Variants in SRGAP1 observed in about 807,000 individuals in gnomAD.
SRGAP1 encodes SLIT-ROBO Rho GTPase activating protein 1.
Under a neutral mutation model 121.9 loss-of-function variants are expected in SRGAP1, and 43 were observed. The observed-to-expected ratio is 0.35, with a 90% CI of 0.28 to 0.46. The LOEUF (loss-of-function observed/expected upper bound fraction) is 0.46, where lower values mean the gene tolerates loss of function less well. Ranked by LOEUF, SRGAP1 falls within the 20% of genes least tolerant of loss-of-function variation. The pLI is 1.00. For synonymous variants in SRGAP1, 447 were observed against 485.4 expected (o/e 0.92, Z 1.04); for missense variants, 1,102 against 1,350.9 (o/e 0.82, Z 2.89).
chr12:64,003,743 C>T (rs751331832), intron 3 of SRGAP1, among the ~76,000 whole-genome samples: 25 of 151,840 alleles, frequency 1.6e-4, no homozygotes, highest in Non-Finnish European at 2.9e-4. Context: ...CATCAGAGGT[C>T]CTGAAGGAGA....
intron 4 of SRGAP1, among the ~76,000 whole-genome samples, chr12:64,028,431 G>A (rs1173905696): frequency 6.6e-6 from 1 of 152,240 alleles, no homozygotes; most frequent in African/African-American, 2.4e-5. Flanking sequence ...GGCCTCTCAG[G>A]TGTGTGAGAA....
chr12:63,897,330 C>T (rs1454343134), intron 1 of SRGAP1, among the ~76,000 whole-genome samples: 1 of 152,176 alleles, frequency 6.6e-6, no homozygotes, highest in African/African-American at 2.4e-5. Flanking sequence ...AGAATATGTG[C>T]AGCCAAATTT....
At chr12:64,037,507 A>T (rs7963940) in intron 4 of SRGAP1, among the ~76,000 whole-genome samples, 85,455 of 152,132 alleles carry the variant, frequency 0.56, 24,560 homozygotes, top group South Asian at 0.67. Context: ...AACACTGTGG[A>T]TTCACCAACA....
rs1334726483 is a variant in SRGAP1, at chr12:64,145,700, G to C, written c.*3028G>C. On this transcript the variant is annotated 3_prime_UTR_variant, in exon 22 of 22. Coordinates refer to ENST00000355086, the MANE Select transcript of SRGAP1 (RefSeq NM_020762.4). The stretch of plus-strand genomic sequence containing the variant: ...AGGTGGCCACTTCACAAAGAATCCA[G>C]AATCATGCTCAGTAAAGCTCATTAA... The C allele has an allele frequency of 6.6e-6, 1 of 152,072 alleles. No homozygotes were observed. The highest frequency in any genetic ancestry group is 1.5e-5 in the Non-Finnish European group (1 of 68,058). The allele number at this position is 152,072 out of a possible 1,614,324, so 9.4% of individuals were successfully genotyped here.
At chr12:64,021,422 A>C (rs934536667) in intron 4 of SRGAP1, among the ~76,000 whole-genome samples, 2 of 152,216 alleles carry the variant, frequency 1.3e-5, no homozygotes, top group African/African-American at 4.8e-5. Context: ...TATTGTGCTA[A>C]GCATATTATT....
In SRGAP1 at chr12:63,886,930, A is replaced by G. The variant is rs538837737; in HGVS notation, c.67+42047A>G. ...GCTCTGTCTCCCAGGCTAGAGTGCA[A>G]TGGCGTGATCTTGGCTCACTGCAAC... is the stretch of plus-strand genomic sequence containing the variant. On this transcript the variant is annotated intron_variant, in intron 1 of 21. Transcript: ENST00000355086. 2.0e-5 allele frequency among the ~76,000 whole-genome samples: 3 copies of G among 152,066 alleles called. No individual in the cohort carries two copies. The East Asian group carries it at 5.8e-4, about 30-fold the overall frequency.
chr12:63,871,085 G>A (rs1051154862), intron 1 of SRGAP1, among the ~76,000 whole-genome samples: 1 of 152,110 alleles, frequency 6.6e-6, no homozygotes, highest in Non-Finnish European at 1.5e-5. Context: ...GATGCTGTAG[G>A]TCAAGGACCA....
Position 64,151,288 on chromosome 12 carries a change from C to T in SRGAP1, c.*8616C>T, listed in dbSNP as rs1260847453. On this transcript the variant is annotated 3_prime_UTR_variant, in exon 22 of 22. Transcript: ENST00000355086. ...TTGTATATACATTGGGTTTTTCTCC[C>T]TTATAGCAATTCACACTAGGAGTCT... 2.0e-5 allele frequency: 3 copies of T among 151,980 alleles called. No homozygotes were observed. The highest frequency in any genetic ancestry group is 2.9e-5 in the Non-Finnish European group (2 of 67,992). The allele number at this position is 151,980 out of a possible 1,614,324, so 9.4% of individuals were successfully genotyped here. A position where few individuals can be genotyped will look rare whatever the true frequency, so the allele number is the denominator to read the frequency against.
rs137898224 is a variant in SRGAP1, at chr12:63,968,666, C to T, written c.68-15281C>T. On this transcript the variant is annotated intron_variant, in intron 1 of 21. Transcript: ENST00000355086. ...CAACCCTGTCAGGACTGCTGAACAA[C>T]GTGAAGTGTTTCATTGGATTTGGGC... 5.4e-3 allele frequency among the ~76,000 whole-genome samples: 818 copies of T among 152,304 alleles called. 6 individuals carry two copies. The highest frequency in any genetic ancestry group is 0.018 in the African/African-American group (739 of 41,562).
At chr12:63,924,070 G>T (rs1348462746) in intron 1 of SRGAP1, among the ~76,000 whole-genome samples, 2 of 152,194 alleles carry the variant, frequency 1.3e-5, no homozygotes, top group African/African-American at 4.8e-5. Context: ...GAACCTGGGA[G>T]GTGGAGGTTG....
At chr12:64,005,173 C>G (rs968499835) in intron 3 of SRGAP1, among the ~76,000 whole-genome samples, 5 of 151,966 alleles carry the variant, frequency 3.3e-5, no homozygotes, top group African/African-American at 1.2e-4. Context: ...CTCCTAGAAG[C>G]CTATAAAAAA....
chr12:64,115,381 C>T (rs2036501238), intron 17 of SRGAP1, among the ~76,000 whole-genome samples: 1 of 152,076 alleles, frequency 6.6e-6, no homozygotes, highest in South Asian at 2.1e-4. Flanking sequence ...ATGGAGGTGC[C>T]AGGATTCCAT....
In SRGAP1 at chr12:63,926,766, T is replaced by A. The variant is rs187901586; in HGVS notation, c.68-57181T>A. Among the ~76,000 whole-genome samples, 20 of 152,308 alleles carry A rather than the reference T, an allele frequency of 1.3e-4. No homozygotes were observed. The East Asian group carries it at 2.9e-3, about 22-fold the overall frequency. On this transcript the variant is annotated intron_variant, in intron 1 of 21. Transcript: ENST00000355086. ...TTATTATTGACTATAGCCACCCTGA[T>A]GTACAGTAGGTCTCAAAACCTATTC...
intron 1 of SRGAP1, among the ~76,000 whole-genome samples, chr12:63,957,515 C>T (rs1013181811): frequency 6.6e-6 from 1 of 152,202 alleles, no homozygotes; most frequent in Non-Finnish European, 1.5e-5. Flanking sequence ...CTGGCCATGC[C>T]TCTGTTGACC....
At chr12:64,053,006 A>G (rs2035266764) in intron 6 of SRGAP1, among the ~76,000 whole-genome samples, 1 of 152,128 alleles carries the variant, frequency 6.6e-6, no homozygotes, top group Admixed American at 6.6e-5. Context: ...TTATCAGTTT[A>G]TTTCATAGGT....
chr12:63,861,774 T>C (rs995811301), intron 1 of SRGAP1, among the ~76,000 whole-genome samples: 2 of 151,886 alleles, frequency 1.3e-5, no homozygotes, highest in African/African-American at 2.4e-5. Context: ...ATTGCTTGAG[T>C]CCAGGAATTT....
intron 21 of SRGAP1, among the ~76,000 whole-genome samples, chr12:64,133,315 A>G (rs113667675): frequency 0.032 from 4,941 of 152,252 alleles, 285 homozygotes; most frequent in African/African-American, 0.11. Flanking sequence ...GGGTTCTGCC[A>G]GCTGCTAAGT....
intron 4 of SRGAP1, among the ~76,000 whole-genome samples, chr12:64,026,851 G>C (rs1374995856): frequency 2.0e-5 from 3 of 148,888 alleles, no homozygotes; most frequent in Non-Finnish European, 4.4e-5. Flanking sequence ...GGGGGTCAGA[G>C]CAAGACTCCA....
intron 1 of SRGAP1, among the ~76,000 whole-genome samples, chr12:63,969,815 A>G (rs886228027): frequency 6.6e-6 from 1 of 151,766 alleles, no homozygotes; most frequent in Admixed American, 6.6e-5. Context: ...AAAAAAAACT[A>G]AAAAATCTAC....
Sources: gnomAD v4.1 joint callset for allele counts (sites outside exome capture counted in the v4.1 genomes callset) on GRCh38, gnomAD v4.1.1 for gene constraint, MANE v1.5 for transcripts, NCBI Gene and HGNC (gene_info 2026-07-23, HGNC 2026-07-21) for gene names.